Variants in BRD3 observed in about 807,000 individuals in gnomAD.
The protein encoded by BRD3 is bromodomain containing 3, also known as bromodomain-containing protein 3.
In BRD3, 17 loss-of-function variants were observed where a neutral mutation model predicts 66.8. That is an observed-to-expected ratio of 0.25 (90% CI 0.17 to 0.38). The LOEUF is 0.38. Among genes scored for constraint, BRD3 ranks in the 10% least tolerant of loss-of-function variants. The pLI is 1.00. For missense variants in BRD3, 713 were observed against 956.1 expected (o/e 0.75, Z 3.35); for synonymous variants, 421 against 393.2 (o/e 1.07, Z -0.84).
At chr9:134,036,371 G>C in intron 9 of BRD3, 47 bp from the exon 10 acceptor site, 1 of 1,568,118 alleles carries the variant, frequency 6.4e-7, no homozygotes, top group Non-Finnish European at 8.6e-7. Context: ...CCGTCTACCT[G>C]CCGTGGGAGC....
At chr9:134,053,180 A>G in intron 2 of BRD3, 85 bp downstream of exon 2, 1 of 1,459,546 alleles carries the variant, frequency 6.9e-7, no homozygotes, top group East Asian at 2.3e-5. Context: ...GGCCAGAGGC[A>G]GTCTTTCCAG....
intron 1 of BRD3, among the ~76,000 whole-genome samples, chr9:134,062,305 C>T (rs559236952): frequency 3.3e-5 from 5 of 152,266 alleles, no homozygotes; most frequent in African/African-American, 1.2e-4. Flanking sequence ...AGCCCTGTCC[C>T]GGGGCGCTTC....
chr9:134,031,227 C>A lies in BRD3; in HGVS notation c.*2363G>T, dbSNP rs897645976. Reference sequence around the variant, plus strand: ...AGAGAACCAGCCGAGAAGGAAAGGCCCCACGATGCTCCTGCTGCGCTGCCC... The same window carrying A: ...AGAGAACCAGCCGAGAAGGAAAGGCACCACGATGCTCCTGCTGCGCTGCCC... On this transcript the variant is annotated 3_prime_UTR_variant, in exon 12 of 12. Coordinates refer to ENST00000303407, the MANE Select transcript of BRD3 (RefSeq NM_007371.4). The A allele has an allele frequency of 1.4e-5, 3 of 216,706 alleles. No individual in the cohort carries two copies. In the Admixed American group the frequency reaches 1.7e-4, roughly 13 times the overall value. 13.4% of individuals were successfully genotyped at this position (216,706 alleles called of 1,614,324 possible).
In BRD3 at chr9:134,045,145, T is replaced by G. The variant is rs1229462750; in HGVS notation, c.1215+148A>C. The G allele has an allele frequency of 8.4e-7, 1 of 1,194,116 alleles. No homozygotes were observed. The highest frequency in any genetic ancestry group is 1.1e-6 in the Non-Finnish European group (1 of 875,794). The allele number at this position is 1,194,116 out of a possible 1,614,324, so 74.0% of individuals were successfully genotyped here. On this transcript the variant is annotated intron_variant, in intron 7 of 11. Coordinates refer to ENST00000303407, the MANE Select transcript of BRD3 (RefSeq NM_007371.4). This position sits in a 1 kb window ranked among gnomAD's most constrained non-coding sequence, Gnocchi z 4.8. Reference sequence around the variant, plus strand: ...AGCTCAGAGCCTGACAGGGACCTGGTTGGCACTCGGGAAAAAGGTGTTGAG... The same window carrying G: ...AGCTCAGAGCCTGACAGGGACCTGGGTGGCACTCGGGAAAAAGGTGTTGAG...
intron 5 of BRD3, among the ~76,000 whole-genome samples, chr9:134,049,818 A>T (rs1266776759): frequency 6.6e-6 from 1 of 152,226 alleles, no homozygotes; most frequent in Non-Finnish European, 1.5e-5. Flanking sequence ...CCCTGCCCAA[A>T]GCAGGAGACT....
In BRD3 at chr9:134,033,851, G is replaced by T. The variant is rs2132374664; in HGVS notation, c.2066-146C>A. On this transcript the variant is annotated intron_variant, in intron 11 of 11. Coordinates refer to ENST00000303407, the MANE Select transcript of BRD3 (RefSeq NM_007371.4). The surrounding 1 kb of genome is among the most constrained non-coding windows in gnomAD (Gnocchi z 5.1). ...CCCAGTCGTTTAATAAGTATTTATT[G>T]AAATTAATCAGGTCAACAAGACTAT... 2 of 581,194 alleles carry T rather than the reference G, an allele frequency of 3.4e-6. No individual in the cohort carries two copies. The highest frequency in any genetic ancestry group is 2.8e-5 in the East Asian group (1 of 35,088). The allele number at this position is 581,194 out of a possible 1,614,324, so 36.0% of individuals were successfully genotyped here. A position where few individuals can be genotyped will look rare whatever the true frequency, so the allele number is the denominator to read the frequency against.
chr9:134,043,249 G>A (rs955235921), intron 7 of BRD3, among the ~76,000 whole-genome samples: 5 of 152,048 alleles, frequency 3.3e-5, no homozygotes. Context: ...GAGATTACAG[G>A]GGTAAGCCAC....
chr9:134,036,919 G>A (rs943441039), intron 9 of BRD3, among the ~76,000 whole-genome samples: 1 of 152,128 alleles, frequency 6.6e-6, no homozygotes, highest in African/African-American at 2.4e-5. Context: ...GCTGAGGCAG[G>A]AGAATCGCTT....
intron 5 of BRD3, among the ~76,000 whole-genome samples, chr9:134,049,533 C>T (rs560423695): frequency 1.3e-4 from 20 of 152,324 alleles, no homozygotes; most frequent in African/African-American, 4.6e-4. Context: ...CGGATAGGAG[C>T]GGGGACAGAC....
intron 1 of BRD3, among the ~76,000 whole-genome samples, chr9:134,063,738 G>A (rs559607755): frequency 1.7e-4 from 26 of 152,316 alleles, no homozygotes; most frequent in African/African-American, 5.8e-4. Context: ...CTCTGCCCCA[G>A]ACTCCAGGCC....
intron 1 of BRD3, among the ~76,000 whole-genome samples, chr9:134,061,227 C>A (rs1211780554): frequency 1.3e-5 from 2 of 152,246 alleles, no homozygotes; most frequent in Non-Finnish European, 2.9e-5. Context: ...CAATGCCACA[C>A]CCTGGGGCAA....
intron 1 of BRD3, among the ~76,000 whole-genome samples, chr9:134,061,913 C>T (rs1207503324): frequency 2.0e-5 from 3 of 152,202 alleles, no homozygotes; most frequent in African/African-American, 4.8e-5. Flanking sequence ...CTGCTGCCCC[C>T]ACAGCCCCAT....
intron 9 of BRD3, among the ~76,000 whole-genome samples, chr9:134,038,841 A>C (rs1829982574): frequency 1.3e-5 from 2 of 152,194 alleles, no homozygotes; most frequent in Non-Finnish European, 2.9e-5. Flanking sequence ...ATCTGAAAAA[A>C]TCCAAAATCA....
chr9:134,064,328 G>A (rs550660213), intron 1 of BRD3, among the ~76,000 whole-genome samples: 1 of 151,912 alleles, frequency 6.6e-6, no homozygotes. Flanking sequence ...AGGAGTTCAA[G>A]ACCAGCCCGG....
intron 1 of BRD3, among the ~76,000 whole-genome samples, chr9:134,060,402 G>C (rs990296978): frequency 6.6e-6 from 1 of 152,110 alleles, no homozygotes; most frequent in African/African-American, 2.4e-5. Flanking sequence ...AGACCAGCCT[G>C]GGCAACATAG....
Position 134,033,005 on chromosome 9 carries a change from C to A in BRD3, c.*585G>T, listed in dbSNP as rs202057965. 30 of 397,930 alleles carry A rather than the reference C, an allele frequency of 7.5e-5. 1 individual carries two copies. The East Asian group carries it at 7.8e-4, about 10-fold the overall frequency. 24.6% of individuals were successfully genotyped at this position (397,930 alleles called of 1,614,324 possible). A position where few individuals can be genotyped will look rare whatever the true frequency, so the allele number is the denominator to read the frequency against. On this transcript the variant is annotated 3_prime_UTR_variant, in exon 12 of 12. Coordinates refer to ENST00000303407, the MANE Select transcript of BRD3 (RefSeq NM_007371.4). The surrounding 1 kb of genome is among the most constrained non-coding windows in gnomAD (Gnocchi z 5.1). ...AACGCACATCCCACCCGACCACCCC[C>A]CAAGGGCTCCACGCTCCGGGCTGGG...
chr9:134,067,479 G>A (rs1414643927), intron 1 of BRD3, among the ~76,000 whole-genome samples: 2 of 148,714 alleles, frequency 1.3e-5, no homozygotes, highest in Non-Finnish European at 3.0e-5. Flanking sequence ...GCAGGCCGGG[G>A]CCGCCGCGCG....
chr9:134,063,905 T>C lies in BRD3; in HGVS notation c.-114+4040A>G, dbSNP rs796970895. On this transcript the variant is annotated intron_variant, in intron 1 of 11. Transcript: ENST00000303407. ...ACACTTTTCCAAGTGGCTGGAAAAG[T>C]TGTCTCCCACAATACCGGATTAACT... Among the ~76,000 whole-genome samples the C allele has an allele frequency of 5.1e-4, 78 of 152,292 alleles. 1 individual carries two copies. Among genetic ancestry groups the C allele is most frequent in the African/African-American group, 1.8e-3 (73 of 41,570 alleles).
At chr9:134,034,675 G>C in intron 11 of BRD3, 26 bp downstream of exon 11, 1 of 1,600,758 alleles carries the variant, frequency 6.2e-7, no homozygotes, top group Non-Finnish European at 8.5e-7. Context: ...CCTAAAGAGG[G>C]GTGGCACAGC....
Sources: gnomAD v4.1 joint callset for allele counts (sites outside exome capture counted in the v4.1 genomes callset) on GRCh38, gnomAD v4.1.1 for gene constraint, Gnocchi (gnomAD v3.1) non-coding constraint, MANE v1.5 for transcripts, NCBI Gene and HGNC (gene_info 2026-07-23, HGNC 2026-07-21) for gene names.